SCN2A: variants seen among roughly 807,000 people sequenced by gnomAD.
SCN2A encodes the protein sodium voltage-gated channel alpha subunit 2.
SCN2A carries 20 observed loss-of-function variants against 188.7 expected under a neutral mutation model. The ratio of observed to expected loss-of-function variants is 0.11; its 90% CI spans 0.07 to 0.15. The LOEUF (loss-of-function observed/expected upper bound fraction) is 0.15, where lower values mean the gene tolerates loss of function less well. Among genes scored for constraint, SCN2A ranks in the 10% least tolerant of loss-of-function variants. The pLI, the probability that SCN2A is intolerant of heterozygous loss-of-function variation, is 1.00. For missense variants in SCN2A, 1,278 were observed against 2,445.0 expected, an observed-to-expected ratio of 0.52 and a Z score of 10.07; for synonymous variants, 804 against 833.1, an observed-to-expected ratio of 0.97 and a Z score of 0.60.
chr2:165,389,753 A>G lies in SCN2A; in HGVS notation c.5947A>G (p.Lys1983Glu). 1 of 1,613,330 alleles carries G rather than the reference A, an allele frequency of 6.2e-7. No individual in the cohort carries two copies. Among genetic ancestry groups the G allele is most frequent in the Admixed American group, 1.7e-5 (1 of 59,842 alleles). The change falls in exon 27 of 27, where the codon AAA (lysine) becomes GAA (glutamate). Residue 1983 changes from lysine (K) to glutamate (E), a missense_variant. Lys to Glu is a moderately conservative substitution (Grantham distance 56, BLOSUM62 1). Coordinates refer to ENST00000375437, the MANE Select transcript of SCN2A (RefSeq NM_001040142.2). The surrounding 1 kb of genome is among the most constrained non-coding windows in gnomAD (Gnocchi z 4.2). Reference sequence around the variant, plus strand: ...GTATGATAGTGTGACCAAACCAGAAAAAGAAAAATTTGAAAAAGACAAATC... The same window carrying G: ...GTATGATAGTGTGACCAAACCAGAAGAAGAAAAATTTGAAAAAGACAAATC... ...PSYDSVTKPEKEKFEKDKSEK... is the reference protein window; with the variant it reads ...PSYDSVTKPEEEKFEKDKSEK...
intron 1 of SCN2A, chr2:165,267,032 G>A (rs916557495): frequency 1.3e-5 from 2 of 151,976 alleles, no homozygotes; most frequent in Non-Finnish European, 2.9e-5. Flanking sequence ...AAGATATCCC[G>A]TGTTAACGAG....
At chr2:165,267,420 G>A (rs1197260179) in intron 1 of SCN2A, 2 of 151,976 alleles carry the variant, frequency 1.3e-5, no homozygotes, top group Non-Finnish European at 2.9e-5. Context: ...AGTAAATGAT[G>A]TTGGAAAAAC....
At chr2:165,266,175 A>G (rs2106096419) in intron 1 of SCN2A, among the ~76,000 whole-genome samples, 1 of 152,176 alleles carries the variant, frequency 6.6e-6, no homozygotes, top group Non-Finnish European at 1.5e-5. Flanking sequence ...GTATTACCAA[A>G]GGCTATGCTT....
chr2:165,327,595 T>C (rs1698429552), intron 13 of SCN2A: 1 of 153,982 alleles, frequency 6.5e-6, no homozygotes, highest in Admixed American at 6.4e-5. Flanking sequence ...CTGTGATCAA[T>C]TTCTGGCTCT....
intron 1 of SCN2A, among the ~76,000 whole-genome samples, chr2:165,243,109 A>G (rs953393238): frequency 6.6e-6 from 1 of 152,210 alleles, no homozygotes; most frequent in African/African-American, 2.4e-5. Context: ...TTCAGTTATC[A>G]ATTTCTTATT....
chr2:165,310,111 A>G, intron 6 of SCN2A, among the ~76,000 whole-genome samples: 1 of 152,144 alleles, frequency 6.6e-6, no homozygotes, highest in East Asian at 1.9e-4. Flanking sequence ...TTCCATTCAC[A>G]GTTTTCTAAT....
chr2:165,371,487 G>A (rs1249491328), intron 20 of SCN2A: 1 of 152,180 alleles, frequency 6.6e-6, no homozygotes, highest in East Asian at 1.9e-4. Context: ...CTCTTTACTT[G>A]AGGAAGGAGG....
chr2:165,280,419 G>A (rs569172016), intron 1 of SCN2A, among the ~76,000 whole-genome samples: 1 of 152,132 alleles, frequency 6.6e-6, no homozygotes, highest in South Asian at 2.1e-4. Flanking sequence ...CCCTTTTATT[G>A]TTATCTCTGT....
At chr2:165,282,276 G>T (rs1031354888) in intron 1 of SCN2A, among the ~76,000 whole-genome samples, 7 of 152,108 alleles carry the variant, frequency 4.6e-5, no homozygotes, top group African/African-American at 1.4e-4. Flanking sequence ...CACCAGTTTG[G>T]GTGGCAGGCT....
At chr2:165,312,195 C>T in intron 8 of SCN2A, 107 bp downstream of exon 8, 1 of 810,512 alleles carries the variant, frequency 1.2e-6, no homozygotes. Flanking sequence ...CAAAACCCTC[C>T]ATAAATTCTA....
intron 16 of SCN2A, among the ~76,000 whole-genome samples, chr2:165,346,140 C>T (rs1699573470): frequency 6.6e-6 from 1 of 152,122 alleles, no homozygotes; most frequent in African/African-American, 2.4e-5. Flanking sequence ...CTGCCATTAA[C>T]ATTTTTTCCT....
chr2:165,365,407 T>A, intron 18 of SCN2A, 144 bp downstream of exon 18: 1 of 800,084 alleles, frequency 1.2e-6, no homozygotes, highest in Non-Finnish European at 1.9e-6. Context: ...CTAGTAATCA[T>A]CTATACCTAT....
intron 14 of SCN2A, among the ~76,000 whole-genome samples, chr2:165,340,921 C>T (rs1699274823): frequency 6.6e-6 from 1 of 152,016 alleles, no homozygotes; most frequent in Non-Finnish European, 1.5e-5. Context: ...TTTGTTAAAG[C>T]CATTTGGTGG....
At chr2:165,298,265 T>G (rs1035912954) in intron 3 of SCN2A, among the ~76,000 whole-genome samples, 5 of 152,186 alleles carry the variant, frequency 3.3e-5, no homozygotes, top group African/African-American at 9.7e-5. Context: ...TTAGCAGGCC[T>G]AGAAAATATT....
intron 24 of SCN2A, 62 bp downstream of exon 24, chr2:165,380,791 C>T: frequency 7.7e-7 from 1 of 1,304,686 alleles, no homozygotes; most frequent in Non-Finnish European, 1.1e-6. Context: ...ATACTCTTTC[C>T]TTTAGCCTCC....
chr2:165,351,395 T>C (rs1699909742), intron 16 of SCN2A, among the ~76,000 whole-genome samples: 1 of 152,186 alleles, frequency 6.6e-6, no homozygotes, highest in Non-Finnish European at 1.5e-5. Flanking sequence ...AATTGAGTTA[T>C]CAATTCATAA....
At position 165,311,993 on chromosome 2, in the gene SCN2A, A is replaced by G. The variant is rs2304016; in HGVS notation, c.971-32A>G. 7,874 of 1,537,156 alleles carry G rather than the reference A, an allele frequency of 5.1e-3. 189 individuals carry two copies. The East Asian group carries it at 0.089, about 17-fold the overall frequency. ...GGCTGAAGTGTTTTACAGGATTTTAATGATTCTTTCTATTCCTTTCTCTTT... is the reference window on the plus strand; with the variant it reads ...GGCTGAAGTGTTTTACAGGATTTTAGTGATTCTTTCTATTCCTTTCTCTTT... On this transcript the variant is annotated intron_variant, in intron 7 of 26. Coordinates refer to ENST00000375437, the MANE Select transcript of SCN2A (RefSeq NM_001040142.2).
chr2:165,297,276 G>A (rs746125906), intron 3 of SCN2A, 141 bp downstream of exon 3: 5 of 624,124 alleles, frequency 8.0e-6, no homozygotes, highest in South Asian at 2.0e-5. Flanking sequence ...TTAGCATGTT[G>A]CAAAATGAGA....
At chr2:165,360,153 A>G (rs1033234516) in intron 17 of SCN2A, among the ~76,000 whole-genome samples, 42 of 151,894 alleles carry the variant, frequency 2.8e-4, no homozygotes, top group African/African-American at 9.2e-4. Flanking sequence ...ATATCTACTA[A>G]TTATGTTTTC....
Sources: gnomAD v4.1 joint callset for allele counts (sites outside exome capture counted in the v4.1 genomes callset) on GRCh38, gnomAD v4.1.1 for gene constraint, Gnocchi (gnomAD v3.1) non-coding constraint, MANE v1.5 for transcripts, NCBI Gene and HGNC (gene_info 2026-07-23, HGNC 2026-07-21) for gene names.